GK: variants seen among roughly 807,000 people sequenced by gnomAD.
GK encodes ATP:glycerol 3-phosphotransferase.
In GK, 9 loss-of-function variants were observed where a neutral mutation model predicts 56.4. The ratio of observed to expected loss-of-function variants is 0.16; its 90% confidence interval spans 0.10 to 0.28. The LOEUF is 0.28. Ranked by LOEUF, GK falls within the 10% of genes least tolerant of loss-of-function variation. GK has a pLI of 1.00. For synonymous variants in GK, 104 were observed against 144.1 expected, an observed-to-expected ratio of 0.72 and a Z score of 1.99; for missense variants, 161 against 431.4, an observed-to-expected ratio of 0.37 and a Z score of 5.55.
At chrX:30,686,750 C>T (rs1934637453) in intron 4 of GK, among the ~76,000 whole-genome samples, 1 of 111,215 alleles carries the variant, frequency 9.0e-6, no homozygotes, top group Admixed American at 9.6e-5. Flanking sequence ...ACTAAATCTA[C>T]CAGACAGATT....
intron 13 of GK, among the ~76,000 whole-genome samples, chrX:30,710,477 T>C (rs1936265246): frequency 1.8e-5 from 2 of 112,108 alleles, no homozygotes; most frequent in African/African-American, 6.5e-5. Context: ...AAAATTAAAT[T>C]AAACCAAACC....
At chrX:30,670,627 A>G (rs1157803495) in intron 3 of GK, among the ~76,000 whole-genome samples, 1 of 111,188 alleles carries the variant, frequency 9.0e-6, no homozygotes, top group Non-Finnish European at 1.9e-5. Flanking sequence ...AATTTATCCA[A>G]TTGGCATTGC....
intron 5 of GK, among the ~76,000 whole-genome samples, chrX:30,691,895 C>G (rs1313253778): frequency 9.0e-6 from 1 of 111,115 alleles, no homozygotes; most frequent in Non-Finnish European, 1.9e-5. Flanking sequence ...CTTTATTGAA[C>G]CCCTCTTCCA....
In GK at chrX:30,691,242, T is replaced by C. The variant is rs761490250; in HGVS notation, c.414+43T>C. 24 of 791,728 alleles carry C rather than the reference T, an allele frequency of 3.0e-5. No homozygotes were observed. In the East Asian group the frequency reaches 7.3e-4, roughly 24 times the overall value. The allele number at this position is 791,728 out of a possible 1,213,427, so 65.2% of individuals were successfully genotyped here. ...AGTATACTATAAGAATGTTTCTTTT[T>C]TTAAAAAAAGTTTGCAGATTTCACT... On this transcript the variant is annotated intron_variant, in intron 5 of 20. Transcript: ENST00000427190.
intron 1 of GK, among the ~76,000 whole-genome samples, chrX:30,660,550 G>A (rs745464548): frequency 9.6e-4 from 106 of 110,841 alleles, no homozygotes; most frequent in African/African-American, 3.0e-3. Flanking sequence ...ACACCTTTTG[G>A]ATGTATACTC....
At chrX:30,669,216 C>T (rs1386682049) in intron 3 of GK, among the ~76,000 whole-genome samples, 4 of 99,221 alleles carry the variant, frequency 4.0e-5, no homozygotes, top group Non-Finnish European at 8.0e-5. Context: ...GAGTCTCGAT[C>T]TTGTCCCCAA....
chrX:30,694,871 TA>T (rs1935166113), intron 6 of GK, among the ~76,000 whole-genome samples: 1 of 112,176 alleles, frequency 8.9e-6, no homozygotes, highest in African/African-American at 3.2e-5. Context: ...TTAGACGAAA[TA>T]ACTATTTAGC....
Position 30,709,616 on chromosome X carries a change from T to A in GK, c.975+1482T>A, listed in dbSNP as rs937629121. Among the ~76,000 whole-genome samples, 3 of 111,547 alleles carry A rather than the reference T, an allele frequency of 2.7e-5. No individual in the cohort carries two copies. In the Admixed American group the frequency reaches 2.9e-4, roughly 11 times the overall value. On this transcript the variant is annotated intron_variant, in intron 13 of 20. Transcript: ENST00000427190. ...ATGGAATATAACATTCTACATCTAA[T>A]CTGACCTGTACTCAATCAATAGGAT...
intron 4 of GK, among the ~76,000 whole-genome samples, chrX:30,681,963 A>T (rs760293902): frequency 8.9e-6 from 1 of 112,088 alleles, no homozygotes; most frequent in South Asian, 3.7e-4. Flanking sequence ...CCATTCTCTT[A>T]GTCCATTCTG....
In GK at chrX:30,697,747, G is replaced by T. The variant is rs754224318; in HGVS notation, c.745G>T (p.Val249Leu). The T allele has an allele frequency of 8.6e-7, 1 of 1,163,241 alleles. No homozygotes were observed. The change falls in exon 9 of 21, where the codon GTG becomes TTG. Residue 249 changes from valine to leucine, a missense_variant and splice_region_variant. Val to Leu is a conservative substitution (Grantham distance 32). Transcript: ENST00000427190. ...IYGLMKISHS[V>L]KAGALEGVPI... ...CTGACTATAGAAAATCTCTCATAGC[G>T]TGGTGAGTAGGTTGCCCGCCAATTA...
intron 1 of GK, among the ~76,000 whole-genome samples, chrX:30,665,190 T>C (rs1932989367): frequency 8.9e-6 from 1 of 112,121 alleles, no homozygotes; most frequent in African/African-American, 3.2e-5. Flanking sequence ...TTCTTGGTTT[T>C]CCTATTCTGT....
At chrX:30,673,965 T>C (rs1436029322) in intron 3 of GK, among the ~76,000 whole-genome samples, 3 of 111,665 alleles carry the variant, frequency 2.7e-5, no homozygotes, top group Non-Finnish European at 5.6e-5. Flanking sequence ...CCCATAGAGC[T>C]GCTGCAGAAT....
intron 19 of GK, among the ~76,000 whole-genome samples, chrX:30,726,002 T>A (rs1277927587): frequency 9.0e-6 from 1 of 110,843 alleles, no homozygotes; most frequent in Admixed American, 9.7e-5. Context: ...ACCCCATGCC[T>A]TACACACAGA....
At chrX:30,694,874 C>G (rs755493897) in intron 6 of GK, among the ~76,000 whole-genome samples, 19 of 112,052 alleles carry the variant, frequency 1.7e-4, no homozygotes, top group African/African-American at 5.2e-4. Flanking sequence ...GACGAAATAA[C>G]TATTTAGCAG....
At chrX:30,696,810 TTA>T (rs1437208349) in intron 8 of GK, 127 bp downstream of exon 8, 5 of 536,849 alleles carry the variant, frequency 9.3e-6, no homozygotes, top group Non-Finnish European at 1.3e-5. Flanking sequence ...GTCAACTGTG[TTA>T]TGTTTTGTGA....
At position 30,709,426 on chromosome X, in the gene GK, G is replaced by A. The variant is rs147890736; in HGVS notation, c.975+1292G>A. Among the ~76,000 whole-genome samples the A allele has an allele frequency of 7.4e-3, 824 of 111,825 alleles. 17 individuals carry two copies. Among genetic ancestry groups the A allele is most frequent in the Admixed American group, 0.063 (659 of 10,492 alleles). The stretch of plus-strand genomic sequence containing the variant: ...TAATAACACCTCTAGCATTGGACCT[G>A]CATTGGTTGTCAAAAGTGTTCCAAC... On this transcript the variant is annotated intron_variant, in intron 13 of 20. Coordinates refer to ENST00000427190, the MANE Select transcript of GK (RefSeq NM_001205019.2).
intron 1 of GK, among the ~76,000 whole-genome samples, chrX:30,659,956 C>T (rs1038086517): frequency 9.0e-6 from 1 of 111,294 alleles, no homozygotes; most frequent in African/African-American, 3.3e-5. Context: ...ACCATGTTGG[C>T]CAGGCTGGTC....
In GK at chrX:30,729,042, T is replaced by C. The variant is rs1031251847; in HGVS notation, c.*300T>C. On this transcript the variant is annotated 3_prime_UTR_variant, in exon 21 of 21. Transcript: ENST00000427190. Reference sequence around the variant, plus strand: ...ACATCCTGCTCCATTCCCTCTAAGATGTAGGAAGAATTCGGATCCTTACCA... The same window carrying C: ...ACATCCTGCTCCATTCCCTCTAAGACGTAGGAAGAATTCGGATCCTTACCA... The C allele has an allele frequency of 1.6e-5, 5 of 319,264 alleles. No homozygotes were observed. Among genetic ancestry groups the C allele is most frequent in the African/African-American group, 1.1e-4 (4 of 37,617 alleles). 26.3% of individuals were successfully genotyped at this position (319,264 alleles called of 1,213,427 possible). A position where few individuals can be genotyped will look rare whatever the true frequency, so the allele number is the denominator to read the frequency against.
intron 4 of GK, among the ~76,000 whole-genome samples, chrX:30,690,466 A>G (rs1406466338): frequency 1.8e-5 from 2 of 111,911 alleles, no homozygotes; most frequent in African/African-American, 3.2e-5. Flanking sequence ...GAAAGTAGAT[A>G]ATAGCTACTT....
Sources: allele counts gnomAD v4.1 joint callset (sites outside exome capture counted in the v4.1 genomes callset), GRCh38; gene constraint gnomAD v4.1.1; transcripts MANE v1.5; gene names NCBI Gene and HGNC (gene_info 2026-07-23, HGNC 2026-07-21).